Variants in ALKBH4 observed in about 807,000 individuals in gnomAD.
ALKBH4 encodes the protein alkB homolog 4, lysine demethylase.
A neutral mutation model predicts 12.1 loss-of-function variants in ALKBH4; 8 were observed. The ratio of observed to expected loss-of-function variants is 0.66; its 90% confidence interval spans 0.39 to 1.19. The LOEUF is 1.19. Ranked by LOEUF, ALKBH4 falls within the 50% of genes most tolerant of loss-of-function variation. ALKBH4 has a pLI of 0.01. For missense variants in ALKBH4, 403 were observed against 430.4 expected, an observed-to-expected ratio of 0.94 and a Z score of 0.56; for synonymous variants, 195 against 191.6, an observed-to-expected ratio of 1.02 and a Z score of -0.15.
intron 1 of ALKBH4, among the ~76,000 whole-genome samples, chr7:102,463,511 G>A (rs1466941438): frequency 6.6e-5 from 10 of 151,462 alleles, no homozygotes; most frequent in Admixed American, 5.9e-4. Context: ...TGTAATTTTA[G>A]TAGAGGCAGG....
At position 102,457,332 on chromosome 7, in the gene ALKBH4, C is replaced by G. The variant is rs1797675986; in HGVS notation, c.*62G>C. 1 of 1,525,528 alleles carries G rather than the reference C, an allele frequency of 6.6e-7. No individual in the cohort carries two copies. Among genetic ancestry groups the G allele is most frequent in the Non-Finnish European group, 8.9e-7 (1 of 1,119,966 alleles). The allele number at this position is 1,525,528 out of a possible 1,614,324, so 94.5% of individuals were successfully genotyped here. Reference sequence around the variant, plus strand: ...TTGAAACCCCGTGAGTTGCAGGAGGCCCTGTTCTGTGCTCCTCATTTCAAT... The same window carrying G: ...TTGAAACCCCGTGAGTTGCAGGAGGGCCTGTTCTGTGCTCCTCATTTCAAT... On this transcript the variant is annotated 3_prime_UTR_variant, in exon 3 of 3. Transcript: ENST00000292566. This position sits in a 1 kb window ranked among gnomAD's most constrained non-coding sequence, Gnocchi z 5.9.
Position 102,457,776 on chromosome 7 carries a change from C to T in ALKBH4, c.527G>A (p.Trp176Ter). The T allele has an allele frequency of 3.8e-6, 6 of 1,599,118 alleles. No homozygotes were observed. Among genetic ancestry groups the T allele is most frequent in the Non-Finnish European group, 4.3e-6 (5 of 1,174,624 alleles). ...GTTGAGGCTGACCAGCCGCTCCCCC[C>T]ACAGCCAGGCGTCGTCCAGGTGGGG... Reference protein sequence around the residue: ...IDPHLDDAWLWGERLVSLNLL... With the variant: ...IDPHLDDAWL Residue 176 changes from tryptophan (W) to a stop codon, truncating the protein, a stop_gained, in exon 3 of 3, where the codon TGG becomes TAG. Coordinates refer to ENST00000292566, the MANE Select transcript of ALKBH4 (RefSeq NM_017621.4). LOFTEE classifies it low-confidence loss of function (END_TRUNC). This position sits in a 1 kb window ranked among gnomAD's most constrained non-coding sequence, Gnocchi z 5.9.
rs768575424 is a variant in ALKBH4 at position 102,457,775 on chromosome 7, C to A, written c.528G>T (p.Trp176Cys). The A allele has an allele frequency of 1.3e-6, 2 of 1,598,816 alleles. No individual in the cohort carries two copies. ...IDPHLDDAWLWGERLVSLNLL... is the reference protein window; with the variant it reads ...IDPHLDDAWLCGERLVSLNLL... ...GGTTGAGGCTGACCAGCCGCTCCCC[C>A]CACAGCCAGGCGTCGTCCAGGTGGG... The change falls in exon 3 of 3, where the codon TGG becomes TGT. Residue 176 changes from tryptophan (W) to cysteine (C), a missense_variant. Coordinates refer to ENST00000292566, the MANE Select transcript of ALKBH4 (RefSeq NM_017621.4). The surrounding 1 kb of genome is among the most constrained non-coding windows in gnomAD (Gnocchi z 5.9).
At chr7:102,463,362 C>T (rs996228625) in intron 1 of ALKBH4, among the ~76,000 whole-genome samples, 1 of 106,548 alleles carries the variant, frequency 9.4e-6, no homozygotes, top group Non-Finnish European at 1.7e-5. Flanking sequence ...AGGAGTCTTG[C>T]TCTGTCACCT....
chr7:102,459,236 C>T (rs534816815), intron 2 of ALKBH4, among the ~76,000 whole-genome samples: 85 of 148,696 alleles, frequency 5.7e-4, no homozygotes, highest in Non-Finnish European at 1.1e-3. Context: ...GAGGGAGCGG[C>T]GGGCCCGGGG....
At chr7:102,459,514 G>T in intron 2 of ALKBH4, 90 bp downstream of exon 2, 1 of 1,463,910 alleles carries the variant, frequency 6.8e-7, no homozygotes, top group Non-Finnish European at 9.2e-7. Context: ...GGTTTGAGGG[G>T]TGTGGCTGCA....
rs78865278 is a variant in ALKBH4, at chr7:102,464,047, C to G, written c.123+667G>C. ...CATCTGTGATCAGACCTCCCCCCCC[C>G]CACAACCTCTCCAGCCTCATCTCTC... On this transcript the variant is annotated intron_variant, in intron 1 of 2. Coordinates refer to ENST00000292566, the MANE Select transcript of ALKBH4 (RefSeq NM_017621.4). Among the ~76,000 whole-genome samples, 286 of 152,156 alleles carry G rather than the reference C, an allele frequency of 1.9e-3. 2 individuals carry two copies. The Middle Eastern group carries it at 0.024, about 13-fold the overall frequency.
rs1178939540 is a variant in ALKBH4 at position 102,464,815 on chromosome 7, TCTCGGCGGC to T, written c.13_21del (p.Ala5_Glu7del). On this transcript the variant is annotated inframe_deletion, in exon 1 of 3. Coordinates refer to ENST00000292566, the MANE Select transcript of ALKBH4 (RefSeq NM_017621.4). ...CCGCATTCCCGAAGGACTTCGGGGG[TCTCGGCGGC>T]AGCCGCCGCCATCGCGCCGTCCGCG... The T allele has an allele frequency of 6.5e-7, 1 of 1,539,572 alleles. No individual in the cohort carries two copies. The highest frequency in any genetic ancestry group is 8.7e-7 in the Non-Finnish European group (1 of 1,148,908).
At chr7:102,462,981 A>T (rs1160480400) in intron 1 of ALKBH4, among the ~76,000 whole-genome samples, 4 of 136,320 alleles carry the variant, frequency 2.9e-5, no homozygotes, top group Non-Finnish European at 3.1e-5. Context: ...TTTTTGAGAC[A>T]GGGTCTCACT....
chr7:102,464,792 G>A lies in ALKBH4; in HGVS notation c.45C>T (p.Cys15=), dbSNP rs756752049. 3.2e-6 allele frequency: 5 copies of A among 1,566,316 alleles called. No homozygotes were observed. Among genetic ancestry groups the A allele is most frequent in the East Asian group, 5.1e-5 (2 of 39,074 alleles). Residue 15 remains cysteine (C), a synonymous_variant, in exon 1 of 3, where the codon TGC becomes TGT. Coordinates refer to ENST00000292566, the MANE Select transcript of ALKBH4 (RefSeq NM_017621.4). ...AAETPEVLRE[C]GCKGIRTCLI... is the part of the protein sequence containing the mutation. ...GACAGGTCCGGATGCCCTTGCAACC[G>A]CATTCCCGAAGGACTTCGGGGGTCT...
rs1797745727 is a variant in ALKBH4, at chr7:102,459,634, C to T, written c.291G>A (p.Trp97Ter). The T allele has an allele frequency of 6.2e-7, 1 of 1,614,122 alleles. No homozygotes were observed. The highest frequency in any genetic ancestry group is 8.5e-7 in the Non-Finnish European group (1 of 1,179,978). ...TCCTCCGTCCAGACTGGGAGAGCTTCCAGGGGTCACGGTCCATGAGCCGCA... is the reference window on the plus strand; with the variant it reads ...TCCTCCGTCCAGACTGGGAGAGCTTTCAGGGGTCACGGTCCATGAGCCGCA... ...ELVRLMDRDP[W>*]KLSQSGRRKQ... Residue 97 changes from tryptophan (W) to a stop codon, truncating the protein, a stop_gained, in exon 2 of 3, where the codon TGG (tryptophan) becomes TGA (stop). Coordinates refer to ENST00000292566, the MANE Select transcript of ALKBH4 (RefSeq NM_017621.4). LOFTEE classifies it high-confidence loss of function.
intron 1 of ALKBH4, among the ~76,000 whole-genome samples, chr7:102,461,324 G>C (rs113885662): frequency 0.011 from 1,624 of 151,836 alleles, 37 homozygotes; most frequent in African/African-American, 0.037. Context: ...GTGACACAGT[G>C]AGACCCCATC....
chr7:102,464,736 G>A lies in ALKBH4; in HGVS notation c.101C>T (p.Pro34Leu). The A allele has an allele frequency of 1.9e-6, 3 of 1,561,832 alleles. 1 individual carries two copies. Among genetic ancestry groups the A allele is most frequent in the Non-Finnish European group, 2.6e-6 (3 of 1,157,550 alleles). The change falls in exon 1 of 3, where the codon CCG becomes CTG. Residue 34 changes from proline to leucine, a missense_variant. Pro to Leu is a moderately conservative substitution (Grantham distance 98). Transcript: ENST00000292566. ...TACCGCTGGGGGCAGCTCCCAGGGCGGGTCACTGCCGCGCTGCCGCTCGCA... is the reference window on the plus strand; with the variant it reads ...TACCGCTGGGGGCAGCTCCCAGGGCAGGTCACTGCCGCGCTGCCGCTCGCA... Reference protein sequence around the residue: ...LICERQRGSDPPWELPPAKTY... With the variant: ...LICERQRGSDLPWELPPAKTY...
chr7:102,463,005 T>TG (rs1797829904), intron 1 of ALKBH4, among the ~76,000 whole-genome samples: 1 of 146,800 alleles, frequency 6.8e-6, no homozygotes, highest in Admixed American at 6.9e-5. Flanking sequence ...TTGCCCAAGC[T>TG]GGAGTGCAGT....
chr7:102,457,180 C>T lies in ALKBH4; in HGVS notation c.*214G>A. Reference sequence around the variant, plus strand: ...CCCATGTCCCCAAGACTGTGACAAACTAAATAACCAAAAAAGTGTGGCCAC... The same window carrying T: ...CCCATGTCCCCAAGACTGTGACAAATTAAATAACCAAAAAAGTGTGGCCAC... On this transcript the variant is annotated 3_prime_UTR_variant, in exon 3 of 3. Coordinates refer to ENST00000292566, the MANE Select transcript of ALKBH4 (RefSeq NM_017621.4). The surrounding 1 kb of genome is among the most constrained non-coding windows in gnomAD (Gnocchi z 5.9). 1 of 558,458 alleles carries T rather than the reference C, an allele frequency of 1.8e-6. No individual in the cohort carries two copies. The highest frequency in any genetic ancestry group is 3.2e-5 in the Admixed American group (1 of 31,266). The allele number at this position is 558,458 out of a possible 1,614,324, so 34.6% of individuals were successfully genotyped here.
chr7:102,457,342 T>G lies in ALKBH4; in HGVS notation c.*52A>C. 1 of 1,552,544 alleles carries G rather than the reference T, an allele frequency of 6.4e-7. No homozygotes were observed. Among genetic ancestry groups the G allele is most frequent in the Non-Finnish European group, 8.8e-7 (1 of 1,140,226 alleles). ...GTGAGTTGCAGGAGGCCCTGTTCTG[T>G]GCTCCTCATTTCAATCCCGGGATCA... On this transcript the variant is annotated 3_prime_UTR_variant, in exon 3 of 3. Transcript: ENST00000292566. The surrounding 1 kb of genome is among the most constrained non-coding windows in gnomAD (Gnocchi z 5.9).
chr7:102,464,487 C>T (rs116964296), intron 1 of ALKBH4, among the ~76,000 whole-genome samples: 1 of 152,212 alleles, frequency 6.6e-6, no homozygotes, highest in East Asian at 1.9e-4. Flanking sequence ...ACAGGCAGAT[C>T]CCCCCAGAGT....
chr7:102,457,583 G>A lies in ALKBH4; in HGVS notation c.720C>T (p.Ser240=). 1 of 1,606,660 alleles carries A rather than the reference G, an allele frequency of 6.2e-7. No homozygotes were observed. The highest frequency in any genetic ancestry group is 8.5e-7 in the Non-Finnish European group (1 of 1,179,368). ...VEVAIPLPAR[S]LLVLTGAARH... ...GTGCCGCCCCGGTGAGGACCAGCAG[G>A]GAGCGGGCGGGTAAGGGGATGGCCA... is the stretch of plus-strand genomic sequence containing the variant. The change falls in exon 3 of 3, where the codon TCC becomes TCT. Residue 240 remains serine (S), a synonymous_variant. Transcript: ENST00000292566. This position sits in a 1 kb window ranked among gnomAD's most constrained non-coding sequence, Gnocchi z 5.9.
intron 1 of ALKBH4, among the ~76,000 whole-genome samples, chr7:102,460,099 A>G (rs1398073934): frequency 6.6e-6 from 1 of 151,676 alleles, no homozygotes; most frequent in Non-Finnish European, 1.5e-5. Flanking sequence ...GGTTGCAGTG[A>G]GCCAAGATGG....
Sources: gnomAD v4.1 joint callset for allele counts (sites outside exome capture counted in the v4.1 genomes callset) on GRCh38, gnomAD v4.1.1 for gene constraint, Gnocchi (gnomAD v3.1) non-coding constraint, MANE v1.5 for transcripts, NCBI Gene and HGNC (gene_info 2026-07-23, HGNC 2026-07-21) for gene names.